The following ESYT2 variants were observed in gnomAD, a reference collection of about 807,000 sequenced individuals.
The protein encoded by ESYT2 is extended synaptotagmin-2.
A neutral mutation model predicts 107.2 loss-of-function variants in ESYT2; 54 were observed. The ratio of observed to expected loss-of-function variants is 0.50; its 90% CI spans 0.40 to 0.63. The LOEUF is 0.63. Ranked by LOEUF, ESYT2 falls within the 30% of genes least tolerant of loss-of-function variation. The pLI is 0.00. For missense variants in ESYT2, 1,020 were observed against 1,094.5 expected (o/e 0.93, Z 0.96); for synonymous variants, 491 against 434.1 (o/e 1.13, Z -1.63).
At chr7:158,765,892 A>T (rs1186525521) in intron 8 of ESYT2, among the ~76,000 whole-genome samples, 1 of 151,882 alleles carries the variant, frequency 6.6e-6, no homozygotes, top group Non-Finnish European at 1.5e-5. Flanking sequence ...GCCCCCACAC[A>T]TCCTTTTTTA....
rs1266244011 is a variant in ESYT2, at chr7:158,741,615, G to A, written c.2076C>T (p.Ile692=). 6.2e-7 allele frequency: 1 copy of A among 1,613,092 alleles called. No individual in the cohort carries two copies. The highest frequency in any genetic ancestry group is 2.2e-5 in the East Asian group (1 of 44,848). The part of the protein sequence containing the change: ...SSSLLASPGH[I]SVKEPTPSIA... ...TGCTGGGGGTCGGCTCCTTGACTGA[G>A]ATGTGGCCTGGGGAGGCCAGGAGGC... Residue 692 remains isoleucine (I), a synonymous_variant, in exon 18 of 23, where the codon ATC becomes ATT. Transcript: ENST00000275418.
At chr7:158,828,015 T>C (rs1840506595) in intron 1 of ESYT2, among the ~76,000 whole-genome samples, 1 of 152,204 alleles carries the variant, frequency 6.6e-6, no homozygotes, top group Admixed American at 6.5e-5. Context: ...CCATGACTCT[T>C]GTTATTGCTG....
chr7:158,736,090 A>C (rs1836934957), intron 20 of ESYT2, among the ~76,000 whole-genome samples: 1 of 152,232 alleles, frequency 6.6e-6, no homozygotes, highest in Admixed American at 6.5e-5. Context: ...ATGCTCAGCC[A>C]GACGCTGCAC....
chr7:158,825,288 G>A (rs1004784578), intron 1 of ESYT2, among the ~76,000 whole-genome samples: 7 of 152,078 alleles, frequency 4.6e-5, no homozygotes, highest in Non-Finnish European at 7.4e-5. Context: ...GTGAGACTCC[G>A]TCTCAAAAAT....
intron 10 of ESYT2, among the ~76,000 whole-genome samples, 182 bp downstream of exon 10, chr7:158,762,901 A>T (rs146669147): frequency 0.012 from 1,769 of 152,356 alleles, 27 homozygotes; most frequent in African/African-American, 0.04. Context: ...CTTCTCTTAA[A>T]TGTGAAACTT....
chr7:158,804,446 A>G lies in ESYT2; in HGVS notation c.331-5374T>C, dbSNP rs777584828. Among the ~76,000 whole-genome samples, 114 of 123,848 alleles carry G rather than the reference A, an allele frequency of 9.2e-4. 3 individuals carry two copies. The highest frequency in any genetic ancestry group is 9.2e-4 in the Non-Finnish European group (55 of 59,772). 81.2% of individuals were successfully genotyped at this position (123,848 alleles called of 152,430 possible). On this transcript the variant is annotated intron_variant, in intron 1 of 22. Transcript: ENST00000275418. ...CGTGACAAACCCAAACTGCCGAGAA[A>G]GGTGAGGTGTGTGACAAACCCAAAC...
chr7:158,743,808 G>A, intron 16 of ESYT2, 130 bp from the exon 17 acceptor site: 1 of 1,093,880 alleles, frequency 9.1e-7, no homozygotes. Context: ...GGGCCAGGTG[G>A]GGTGGCTCAC....
At chr7:158,743,776 G>T in intron 16 of ESYT2, 98 bp from the exon 17 acceptor site, 1 of 1,341,080 alleles carries the variant, frequency 7.5e-7, no homozygotes, top group Non-Finnish European at 9.8e-7. Context: ...CTCAGAGATA[G>T]GAACTTAGAA....
intron 10 of ESYT2, 77 bp from the exon 11 acceptor site, chr7:158,761,621 C>T: frequency 7.5e-7 from 1 of 1,325,996 alleles, no homozygotes; most frequent in Non-Finnish European, 1.1e-6. Context: ...ACATAGAAAA[C>T]ACATTTCTTC....
Position 158,829,338 on chromosome 7 carries a change from G to A in ESYT2, c.81C>T (p.Gly27=), listed in dbSNP as rs1840562396. 3 of 1,448,048 alleles carry A rather than the reference G, an allele frequency of 2.1e-6. No individual in the cohort carries two copies. The highest frequency in any genetic ancestry group is 1.8e-6 in the Non-Finnish European group (2 of 1,107,144). 89.7% of individuals were successfully genotyped at this position (1,448,048 alleles called of 1,614,324 possible). A position where few individuals can be genotyped will look rare whatever the true frequency, so the allele number is the denominator to read the frequency against. ...GGRAAPENPG[G]VLSVELPGLL... ...GCCCGGGCAGCTCCACGCTCAGCAC[G>A]CCCCCGGGGTTCTCAGGCGCCGCGC... Residue 27 remains glycine (G), a synonymous_variant, in exon 1 of 23, where the codon GGC becomes GGT. Coordinates refer to ENST00000275418, the MANE Select transcript of ESYT2 (RefSeq NM_001367773.1).
rs1563632512 is a variant in ESYT2, at chr7:158,760,081, G to T, written c.1300C>A (p.Pro434Thr). The T allele has an allele frequency of 6.2e-7, 1 of 1,614,150 alleles. No homozygotes were observed. Among genetic ancestry groups the T allele is most frequent in the Non-Finnish European group, 8.5e-7 (1 of 1,180,028 alleles). Residue 434 changes from proline to threonine, a missense_variant, in exon 12 of 23, where the codon CCA becomes ACA. Physicochemically the swap from Pro to Thr is conservative, Grantham distance 38. Coordinates refer to ENST00000275418, the MANE Select transcript of ESYT2 (RefSeq NM_001367773.1). ...ACCTTGTCGAGGTTTGACGCATTTG[G>T]CATTAACGTGAGCCACTCCAGTCTC... ...HLRLEWLTLM[P>T]NASNLDKVLT...
intron 7 of ESYT2, among the ~76,000 whole-genome samples, chr7:158,772,803 A>C (rs1298620981): frequency 1.3e-5 from 2 of 151,852 alleles, no homozygotes; most frequent in Admixed American, 1.3e-4. Flanking sequence ...ACGGAACTTC[A>C]AGTTCCTCAC....
intron 1 of ESYT2, among the ~76,000 whole-genome samples, chr7:158,803,624 G>C (rs146355261): frequency 1.0e-3 from 155 of 152,328 alleles, no homozygotes; most frequent in African/African-American, 3.5e-3. Flanking sequence ...AGAAAGACTT[G>C]CAGAAAGTTA....
At chr7:158,760,697 G>T (rs550996588) in intron 11 of ESYT2, among the ~76,000 whole-genome samples, 1 of 152,260 alleles carries the variant, frequency 6.6e-6, no homozygotes, top group Admixed American at 6.5e-5. Context: ...AGTATCAAAC[G>T]ATTTAATCTG....
chr7:158,820,617 T>C (rs1038874724), intron 1 of ESYT2, among the ~76,000 whole-genome samples: 8 of 152,026 alleles, frequency 5.3e-5, no homozygotes, highest in Admixed American at 1.3e-4. Flanking sequence ...AAACCTCCCT[T>C]CTACAAAAAA....
intron 1 of ESYT2, among the ~76,000 whole-genome samples, chr7:158,809,937 A>C (rs1452182970): frequency 1.3e-5 from 2 of 152,212 alleles, no homozygotes; most frequent in Non-Finnish European, 2.9e-5. Flanking sequence ...CTTTGAACCT[A>C]TTCTGGTTCA....
At chr7:158,760,486 T>G (rs573769938) in intron 11 of ESYT2, among the ~76,000 whole-genome samples, 1 of 152,328 alleles carries the variant, frequency 6.6e-6, no homozygotes, top group South Asian at 2.1e-4. Context: ...CTAGAGACAG[T>G]AAAGTCTTCT....
In ESYT2 at chr7:158,734,149, T is replaced by C. The variant is rs1020241535; in HGVS notation, c.*58A>G. The C allele has an allele frequency of 9.6e-6, 15 of 1,568,806 alleles. No individual in the cohort carries two copies. In the African/African-American group the frequency reaches 1.6e-4, roughly 17 times the overall value. On this transcript the variant is annotated 3_prime_UTR_variant, in exon 23 of 23. Transcript: ENST00000275418. ...TAACATTGGTACGTCTGTGAGAGGG[T>C]GTGTTCCGGGTAGAGGTGGAGAGCT...
At chr7:158,816,850 T>G (rs1394371153) in intron 1 of ESYT2, among the ~76,000 whole-genome samples, 1 of 152,250 alleles carries the variant, frequency 6.6e-6, no homozygotes, top group African/African-American at 2.4e-5. Context: ...GGAAGAGTAT[T>G]GTTACTTTGT....
Sources: allele counts gnomAD v4.1 joint callset (sites outside exome capture counted in the v4.1 genomes callset), GRCh38; gene constraint gnomAD v4.1.1; transcripts MANE v1.5; gene names NCBI Gene and HGNC (gene_info 2026-07-23, HGNC 2026-07-21).